The following LMO7 variants were observed in gnomAD, a reference collection of about 807,000 sequenced individuals.
LMO7 encodes the protein LIM domain 7.
LMO7 carries 120 observed loss-of-function variants against 206.5 expected under a neutral mutation model. That is an observed-to-expected ratio of 0.58 (90% confidence interval 0.50 to 0.68). The LOEUF (loss-of-function observed/expected upper bound fraction) is 0.68. Among genes scored for constraint, LMO7 ranks in the 30% least tolerant of loss-of-function variants. The probability of loss-of-function intolerance (pLI) is 0.00; values close to 1 mark genes in which losing one functional copy is unlikely to be tolerated. For missense variants in LMO7, 1,959 were observed against 1,957.9 expected (o/e 1.00, Z -0.01); for synonymous variants, 706 against 681.5 (o/e 1.04, Z -0.56).
intron 4 of LMO7, among the ~76,000 whole-genome samples, chr13:75,776,179 A>G (rs1193573756): frequency 7.2e-5 from 5 of 69,508 alleles, no homozygotes; most frequent in Non-Finnish European, 1.4e-4. Flanking sequence ...ATATATATAT[A>G]TATATATATA....
At chr13:75,630,860 T>C (rs1337945359) in intron 2 of LMO7, among the ~76,000 whole-genome samples, 3 of 152,230 alleles carry the variant, frequency 2.0e-5, no homozygotes, top group Admixed American at 2.0e-4. Context: ...TTCGCCATGT[T>C]GGCCCAGCTG....
intron 3 of LMO7, among the ~76,000 whole-genome samples, chr13:75,732,759 G>T (rs561352429): frequency 4.0e-4 from 61 of 152,170 alleles, no homozygotes; most frequent in African/African-American, 1.5e-3. Flanking sequence ...TGGTTTTGTC[G>T]GCTTTTGGTC....
At chr13:75,755,081 AG>A (rs2047574094) in intron 3 of LMO7, among the ~76,000 whole-genome samples, 1 of 152,110 alleles carries the variant, frequency 6.6e-6, no homozygotes, top group African/African-American at 2.4e-5. Flanking sequence ...CTGAAGGGTC[AG>A]GGGAGTGGTA....
In LMO7 at chr13:75,838,304, C is replaced by T. The variant is rs1566586374; in HGVS notation, c.3451+108C>T. ...CACTGAGCCTCTTCAATTTGTCTGTCATTATGACCAAGCGACATAACCCAT... is the reference window on the plus strand; with the variant it reads ...CACTGAGCCTCTTCAATTTGTCTGTTATTATGACCAAGCGACATAACCCAT... On this transcript the variant is annotated intron_variant, in intron 20 of 30. Transcript: ENST00000377534. 3 of 1,546,812 alleles carry T rather than the reference C, an allele frequency of 1.9e-6. No individual in the cohort carries two copies. In the East Asian group the frequency reaches 7.0e-5, roughly 36 times the overall value.
chr13:75,766,237 CTTT>C (rs10604656), intron 4 of LMO7, among the ~76,000 whole-genome samples: 2,181 of 126,050 alleles, frequency 0.017, 39 homozygotes, highest in African/African-American at 0.048. Flanking sequence ...TTCCCTCAGT[CTTT>C]TTTTTTTTTT....
intron 4 of LMO7, among the ~76,000 whole-genome samples, chr13:75,761,830 A>G (rs1452269341): frequency 1.3e-5 from 2 of 152,270 alleles, no homozygotes; most frequent in East Asian, 3.9e-4. Flanking sequence ...TGCCTCTTAA[A>G]CCTAATTAAC....
At position 75,760,584 on chromosome 13, in the gene LMO7, A is replaced by G. The variant is rs1002804167; in HGVS notation, c.211-348A>G. On this transcript the variant is annotated intron_variant, in intron 3 of 30. Coordinates refer to ENST00000377534, the MANE Select transcript of LMO7 (RefSeq NM_001306080.2). ...GGTGAGGCTTGCCGTGCAAAGCTGG[A>G]AAGAGGGCGTTTGTTTGCAGAGCAG... 32 of 1,362,838 alleles carry G rather than the reference A, an allele frequency of 2.3e-5. No individual in the cohort carries two copies. The Middle Eastern group carries it at 1.3e-3, about 55-fold the overall frequency. 84.4% of individuals were successfully genotyped at this position (1,362,838 alleles called of 1,614,324 possible).
At chr13:75,808,220 G>C (rs2055800086) in intron 10 of LMO7, 21 bp downstream of exon 10, 2 of 1,579,796 alleles carry the variant, frequency 1.3e-6, no homozygotes, top group African/African-American at 1.4e-5. Flanking sequence ...GTTTCTGCAA[G>C]GATTTTGCTT....
At chr13:75,836,567 G>A (rs901982410) in intron 19 of LMO7, 110 bp downstream of exon 19, 14 of 633,600 alleles carry the variant, frequency 2.2e-5, no homozygotes, top group Non-Finnish European at 3.5e-5. Context: ...GTGATCCACT[G>A]CAAGTTGAAA....
At chr13:75,802,285 C>G (rs111340352) in intron 7 of LMO7, among the ~76,000 whole-genome samples, 1,563 of 152,280 alleles carry the variant, frequency 0.01, 29 homozygotes, top group African/African-American at 0.033. Flanking sequence ...TACTGCCACA[C>G]GTATTGGCTG....
chr13:75,717,690 C>T (rs1305964927), intron 2 of LMO7, among the ~76,000 whole-genome samples: 1 of 152,122 alleles, frequency 6.6e-6, no homozygotes, highest in African/African-American at 2.4e-5. Context: ...TCATTCCTGC[C>T]AAGAGAGCTC....
intron 1 of LMO7, among the ~76,000 whole-genome samples, chr13:75,710,802 C>G (rs2043041684): frequency 6.6e-6 from 1 of 152,024 alleles, no homozygotes; most frequent in African/African-American, 2.4e-5. Flanking sequence ...CCTTTTCCTG[C>G]CTGATTGCCC....
At chr13:75,694,279 C>T (rs55634270) in intron 1 of LMO7, among the ~76,000 whole-genome samples, 9,356 of 152,066 alleles carry the variant, frequency 0.062, 565 homozygotes, top group African/African-American at 0.15. Flanking sequence ...AGGGGAAAGA[C>T]GTAATTGGAA....
chr13:75,718,383 G>T (rs74324377), intron 2 of LMO7, among the ~76,000 whole-genome samples: 2 of 152,214 alleles, frequency 1.3e-5, no homozygotes, highest in Non-Finnish European at 2.9e-5. Flanking sequence ...CTGAGGGATC[G>T]AGAGGAATTT....
chr13:75,794,937 GA>G (rs915167943), intron 4 of LMO7, among the ~76,000 whole-genome samples: 3 of 150,446 alleles, frequency 2.0e-5, no homozygotes, highest in East Asian at 1.9e-4. Flanking sequence ...TATGGATGAT[GA>G]AAAAAAAACC....
intron 11 of LMO7, chr13:75,816,937 A>G (rs1031121295): frequency 3.8e-5 from 14 of 365,964 alleles, no homozygotes; most frequent in Non-Finnish European, 6.9e-5. Context: ...AGACTTGTAT[A>G]GGGCTAATCT....
At chr13:75,652,975 A>G (rs1319366473) in intron 1 of LMO7, among the ~76,000 whole-genome samples, 1 of 152,184 alleles carries the variant, frequency 6.6e-6, no homozygotes, top group Non-Finnish European at 1.5e-5. Context: ...ACAAGTAGTC[A>G]TGATAAACTT....
intron 1 of LMO7, among the ~76,000 whole-genome samples, chr13:75,710,421 T>C (rs2043004909): frequency 1.3e-5 from 2 of 152,216 alleles, no homozygotes; most frequent in Admixed American, 1.3e-4. Context: ...TTGATTCTTC[T>C]ATCCATGAGC....
At chr13:75,761,500 T>TGG (rs2048220776) in intron 4 of LMO7, among the ~76,000 whole-genome samples, 1 of 152,160 alleles carries the variant, frequency 6.6e-6, no homozygotes, top group South Asian at 2.1e-4. Context: ...CAGCAGCGCC[T>TGG]GGGACCAACA....
Sources: allele counts gnomAD v4.1 joint callset (sites outside exome capture counted in the v4.1 genomes callset), GRCh38; gene constraint gnomAD v4.1.1; transcripts MANE v1.5; gene names NCBI Gene and HGNC (gene_info 2026-07-23, HGNC 2026-07-21).